The following TMEM242 variants were observed in gnomAD, a reference collection of about 807,000 sequenced individuals.
TMEM242 encodes transmembrane protein 242.
In TMEM242, 10 loss-of-function variants were observed where a neutral mutation model predicts 18.2. The observed-to-expected ratio is 0.55, with a 90% CI of 0.34 to 0.93. The LOEUF is 0.93. TMEM242 is among the 40% of genes least tolerant of loss of function. The pLI is 0.02. For synonymous variants in TMEM242, 57 were observed against 69.9 expected, an observed-to-expected ratio of 0.81 and a Z score of 0.92; for missense variants, 186 against 175.5, an observed-to-expected ratio of 1.06 and a Z score of -0.34.
chr6:157,298,976 A>C (rs1273019659), intron 3 of TMEM242: 1 of 177,084 alleles, frequency 5.6e-6, no homozygotes, highest in Non-Finnish European at 1.3e-5. Flanking sequence ...AAGTTTATTC[A>C]AAATTTTGAT....
intron 3 of TMEM242, among the ~76,000 whole-genome samples, chr6:157,294,973 T>C (rs587758383): frequency 1.3e-5 from 2 of 152,328 alleles, no homozygotes; most frequent in African/African-American, 2.4e-5. Context: ...AGATGATGCA[T>C]ATAAAGCACA....
intron 3 of TMEM242, among the ~76,000 whole-genome samples, chr6:157,316,593 G>T (rs782788890): frequency 1.3e-5 from 2 of 152,110 alleles, no homozygotes; most frequent in Non-Finnish European, 2.9e-5. Flanking sequence ...ATCAAGGTGA[G>T]GGCCAGGTGC....
rs917386595 is a variant in TMEM242, at chr6:157,291,643, T to C, written c.*1258A>G. On this transcript the variant is annotated 3_prime_UTR_variant, in exon 4 of 4. Coordinates refer to ENST00000400788, the MANE Select transcript of TMEM242 (RefSeq NM_018452.6). ...CAGATTACATATGAATTCCAGATGC[T>C]GATTACACCTGTTTCATTAACAATA... is the stretch of plus-strand genomic sequence containing the variant. The C allele has an allele frequency of 1.1e-4, 17 of 152,380 alleles. No homozygotes were observed. The highest frequency in any genetic ancestry group is 4.1e-4 in the African/African-American group (17 of 41,596). The allele number at this position is 152,380 out of a possible 1,614,324, so 9.4% of individuals were successfully genotyped here. A position where few individuals can be genotyped will look rare whatever the true frequency, so the allele number is the denominator to read the frequency against.
At chr6:157,313,383 TACGCTCA>T (rs1778267860) in intron 3 of TMEM242, among the ~76,000 whole-genome samples, 1 of 19,046 alleles carries the variant, frequency 5.3e-5, no homozygotes, top group African/African-American at 2.3e-4. Flanking sequence ...TGCCTCAGTG[TACGCTCA>T]CCGGGCCTTA....
chr6:157,313,139 C>G (rs1554249636), intron 3 of TMEM242, among the ~76,000 whole-genome samples: 1 of 140,572 alleles, frequency 7.1e-6, no homozygotes, highest in Admixed American at 7.1e-5. Context: ...TCATAGTGTC[C>G]CAGTGTGCGC....
At chr6:157,297,184 G>GA (rs1230553490) in intron 3 of TMEM242, among the ~76,000 whole-genome samples, 20 of 152,200 alleles carry the variant, frequency 1.3e-4, no homozygotes, top group African/African-American at 4.8e-4. Flanking sequence ...TGGAAGCTCA[G>GA]AGAAACGAAA....
chr6:157,312,943 C>T (rs1554249536), intron 3 of TMEM242, among the ~76,000 whole-genome samples: 4 of 135,096 alleles, frequency 3.0e-5, no homozygotes, highest in East Asian at 4.0e-4. Flanking sequence ...CCCCAGTGTG[C>T]GCTCACCCGG....
At chr6:157,311,226 C>T (rs1554248666) in intron 3 of TMEM242, among the ~76,000 whole-genome samples, 1 of 110,340 alleles carries the variant, frequency 9.1e-6, no homozygotes. Flanking sequence ...GCTCACCTAG[C>T]CTCATCATAG....
chr6:157,307,047 A>G (rs1292194870), intron 3 of TMEM242, among the ~76,000 whole-genome samples: 1 of 152,238 alleles, frequency 6.6e-6, no homozygotes, highest in East Asian at 1.9e-4. Context: ...ACTATATATT[A>G]GTGTAATACT....
At chr6:157,304,462 C>CAAAAAAAAAAAAAAAAAAAAAAAAA (rs782782714) in intron 3 of TMEM242, among the ~76,000 whole-genome samples, 1 of 67,260 alleles carries the variant, frequency 1.5e-5, no homozygotes, top group Non-Finnish European at 2.7e-5. Context: ...GAGACTCTGT[C>CAAAAAAAAAAAAAAAAAAAAAAAAA]AAAAAAAAAA....
intron 3 of TMEM242, among the ~76,000 whole-genome samples, chr6:157,313,398 T>TCA (rs1778269885): frequency 1.5e-3 from 5 of 3,434 alleles, no homozygotes; most frequent in African/African-American, 7.0e-3. Context: ...TCACCGGGCC[T>TCA]TATTACAGTG....
intron 1 of TMEM242, 49 bp downstream of exon 1, chr6:157,323,363 C>T (rs1554250859): frequency 6.4e-7 from 1 of 1,574,792 alleles, no homozygotes; most frequent in Non-Finnish European, 8.7e-7. Context: ...AAGCCAGGGT[C>T]CGGGGTTAAC....
chr6:157,307,606 T>G (rs1384976349), intron 3 of TMEM242, among the ~76,000 whole-genome samples: 2 of 152,192 alleles, frequency 1.3e-5, no homozygotes, highest in Non-Finnish European at 2.9e-5. Flanking sequence ...CTCTGTCCAC[T>G]ACGATGTTAA....
chr6:157,294,100 A>G (rs1053952943), intron 3 of TMEM242, among the ~76,000 whole-genome samples: 17 of 152,270 alleles, frequency 1.1e-4, no homozygotes, highest in African/African-American at 3.6e-4. Context: ...GTACAACCCC[A>G]TAAGGTGGGA....
intron 3 of TMEM242, among the ~76,000 whole-genome samples, chr6:157,317,046 C>T (rs782749059): frequency 1.3e-5 from 2 of 152,178 alleles, no homozygotes; most frequent in Non-Finnish European, 2.9e-5. Flanking sequence ...TGCAACCCTG[C>T]CAACTTGCCC....
At chr6:157,321,710 C>T (rs587724089) in intron 2 of TMEM242, among the ~76,000 whole-genome samples, 3 of 152,254 alleles carry the variant, frequency 2.0e-5, no homozygotes, top group Non-Finnish European at 4.4e-5. Context: ...GATATGTGTA[C>T]GTGCGCTCTT....
At chr6:157,314,041 C>T (rs1016845278) in intron 3 of TMEM242, among the ~76,000 whole-genome samples, 3 of 124,110 alleles carry the variant, frequency 2.4e-5, no homozygotes, top group African/African-American at 9.0e-5. Flanking sequence ...CACCCGGCCT[C>T]GTCATAGTGC....
chr6:157,293,529 A>G (rs1554246979), intron 3 of TMEM242, among the ~76,000 whole-genome samples: 1 of 152,206 alleles, frequency 6.6e-6, no homozygotes, highest in Non-Finnish European at 1.5e-5. Flanking sequence ...ATAAATAAAT[A>G]TAATTAGGTC....
chr6:157,293,042 G>A lies in TMEM242; in HGVS notation c.328-43C>T, dbSNP rs587699310. ...ATCAGTTATCAAATGTTAAAAGAAG[G>A]AGAAAAACAGCTATTAGAGATGGCA... is the stretch of plus-strand genomic sequence containing the variant. On this transcript the variant is annotated intron_variant, in intron 3 of 3. Coordinates refer to ENST00000400788, the MANE Select transcript of TMEM242 (RefSeq NM_018452.6). 4.7e-6 allele frequency: 7 copies of A among 1,479,014 alleles called. No homozygotes were observed. The African/African-American group carries it at 6.9e-5, about 15-fold the overall frequency. 91.6% of individuals were successfully genotyped at this position (1,479,014 alleles called of 1,614,324 possible). A position where few individuals can be genotyped will look rare whatever the true frequency, so the allele number is the denominator to read the frequency against.
Sources: gnomAD v4.1 joint callset for allele counts (sites outside exome capture counted in the v4.1 genomes callset) on GRCh38, gnomAD v4.1.1 for gene constraint, MANE v1.5 for transcripts, NCBI Gene and HGNC (gene_info 2026-07-23, HGNC 2026-07-21) for gene names.